The following MLX variants were observed in gnomAD, a reference collection of about 807,000 sequenced individuals.
MLX encodes MAX dimerization protein MLX, also known as max-like protein X.
In MLX, 15 loss-of-function variants were observed where a neutral mutation model predicts 33.0. The observed-to-expected ratio is 0.45, with a 90% confidence interval of 0.30 to 0.70. The LOEUF is 0.70. Among genes scored for constraint, MLX ranks in the 30% least tolerant of loss-of-function variants. MLX has a pLI of 0.07. For synonymous variants in MLX, 115 were observed against 115.6 expected, an observed-to-expected ratio of 0.99 and a Z score of 0.03; for missense variants, 285 against 306.3, an observed-to-expected ratio of 0.93 and a Z score of 0.52.
Position 42,569,858 on chromosome 17 carries a change from T to C in MLX, c.477-124T>C, listed in dbSNP as rs184282103. ...TGACCTGGAAGCAGTATCTCCCTGA[T>C]ACTGAACCCCACCCAGAAGCTCTCT... On this transcript the variant is annotated intron_variant, in intron 6 of 7. Coordinates refer to ENST00000435881, the MANE Select transcript of MLX (RefSeq NM_198204.2). 1.7e-3 allele frequency: 1,524 copies of C among 916,132 alleles called. 3 individuals are homozygous for C. Among genetic ancestry groups the C allele is most frequent in the Non-Finnish European group, 2.4e-3 (1,390 of 582,872 alleles). 56.8% of individuals were successfully genotyped at this position (916,132 alleles called of 1,614,324 possible). A position where few individuals can be genotyped will look rare whatever the true frequency, so the allele number is the denominator to read the frequency against.
At chr17:42,571,119 C>G (rs1378823932) in intron 7 of MLX, among the ~76,000 whole-genome samples, 2 of 150,868 alleles carry the variant, frequency 1.3e-5, no homozygotes, top group African/African-American at 4.9e-5. Context: ...AAACTGCAGA[C>G]ATCAGTACTT....
intron 6 of MLX, 25 bp downstream of exon 6, chr17:42,569,631 A>C: frequency 6.3e-7 from 1 of 1,581,884 alleles, no homozygotes; most frequent in Non-Finnish European, 8.7e-7. Flanking sequence ...GAATGGGGGG[A>C]ACCAGAACTT....
At chr17:42,569,877 G>C in intron 6 of MLX, 105 bp from the exon 7 acceptor site, 5 of 1,109,190 alleles carry the variant, frequency 4.5e-6, no homozygotes, top group Non-Finnish European at 6.7e-6. Flanking sequence ...CCACCCAGAA[G>C]CTCTCTGGGG....
In MLX at chr17:42,569,568, G is replaced by A. The variant is rs142788854; in HGVS notation, c.438G>A (p.Thr146=). 9.3e-6 allele frequency: 15 copies of A among 1,613,974 alleles called. No individual in the cohort carries two copies. The highest frequency in any genetic ancestry group is 1.6e-4 in the Middle Eastern group (1 of 6,082). Residue 146 remains threonine (T), a synonymous_variant, in exon 6 of 8, where the codon ACG becomes ACA. Coordinates refer to ENST00000435881, the MANE Select transcript of MLX (RefSeq NM_198204.2). ...EKKKQEEEVS[T]LRKDVTALKI... is the part of the protein sequence containing the mutation. ...AAAAGCAGGAGGAGGAGGTGTCCACGTTACGCAAGGATGTCACCGCCCTAA... is the reference window on the plus strand; with the variant it reads ...AAAAGCAGGAGGAGGAGGTGTCCACATTACGCAAGGATGTCACCGCCCTAA...
Position 42,572,327 on chromosome 17 carries a change from T to C in MLX, c.*724T>C, listed in dbSNP as rs1188405127. ...CACAGCACTACATATTGGAAATTTT[T>C]TATTTTTCTAAATACCAATGCAGTT... is the stretch of plus-strand genomic sequence containing the variant. On this transcript the variant is annotated 3_prime_UTR_variant, in exon 8 of 8. Coordinates refer to ENST00000435881, the MANE Select transcript of MLX (RefSeq NM_198204.2). The C allele has an allele frequency of 2.2e-6, 1 of 454,162 alleles. No homozygotes were observed. Among genetic ancestry groups the C allele is most frequent in the East Asian group, 6.9e-5 (1 of 14,528 alleles). 28.1% of individuals were successfully genotyped at this position (454,162 alleles called of 1,614,324 possible). A position where few individuals can be genotyped will look rare whatever the true frequency, so the allele number is the denominator to read the frequency against.
At chr17:42,568,762 G>A in intron 3 of MLX, 75 bp from the exon 4 acceptor site, 1 of 1,344,302 alleles carries the variant, frequency 7.4e-7, no homozygotes, top group South Asian at 1.2e-5. Flanking sequence ...GTTCTTCCCA[G>A]CTGGGGAAAG....
rs767788086 is a variant in MLX, at chr17:42,569,248, G to A, written c.321G>A (p.Gln107=). ...DLQTIVPTCQ[Q]QDFSIGSQKL... is the part of the protein sequence containing the mutation. ...AGACCATCGTCCCCACTTGCCAGCA[G>A]CAGGACTTCTCCATTGGCTCCCAAA... The change falls in exon 5 of 8, where the codon CAG becomes CAA. Residue 107 remains glutamine (Q), a synonymous_variant. Coordinates refer to ENST00000435881, the MANE Select transcript of MLX (RefSeq NM_198204.2). The A allele has an allele frequency of 1.2e-6, 2 of 1,614,166 alleles. No individual in the cohort carries two copies. Among genetic ancestry groups the A allele is most frequent in the East Asian group, 2.2e-5 (1 of 44,882 alleles).
chr17:42,568,934 C>T lies in MLX; in HGVS notation c.267C>T (p.Asp89=), dbSNP rs568777376. The T allele has an allele frequency of 6.8e-6, 11 of 1,608,006 alleles. No homozygotes were observed. Among genetic ancestry groups the T allele is most frequent in the South Asian group, 2.2e-5 (2 of 90,184 alleles). The change falls in exon 4 of 8, where the codon GAC becomes GAT. Residue 89 remains aspartate (D), a synonymous_variant. Coordinates refer to ENST00000435881, the MANE Select transcript of MLX (RefSeq NM_198204.2). ...CTCAGGCTGAGCAGAAGAGGAGGGA[C>T]GCCATCAAGGTGAACAGGGAGGCCT... ...AHTQAEQKRR[D]AIKRGYDDLQ...
rs1179848928 is a variant in MLX at position 42,572,604 on chromosome 17, A to ACTT, written c.*1004_*1006dup. ...CTCTCTACCCTAGTTCTCCAAATTC[A>ACTT]CTTCTGCCTTCCTCAGGTTTGATAT... On this transcript the variant is annotated 3_prime_UTR_variant, in exon 8 of 8. Coordinates refer to ENST00000435881, the MANE Select transcript of MLX (RefSeq NM_198204.2). 1 of 451,056 alleles carries ACTT rather than the reference A, an allele frequency of 2.2e-6. No individual in the cohort carries two copies. Among genetic ancestry groups the ACTT allele is most frequent in the Admixed American group, 2.4e-5 (1 of 42,314 alleles). 27.9% of individuals were successfully genotyped at this position (451,056 alleles called of 1,614,324 possible).
chr17:42,568,834 T>C lies in MLX; in HGVS notation c.170-3T>C, dbSNP rs751245618. 6.2e-6 allele frequency: 10 copies of C among 1,602,252 alleles called. No homozygotes were observed. The highest frequency in any genetic ancestry group is 4.5e-5 in the East Asian group (2 of 44,482). ...CTTTCCCTGCCCCCATCTCTGAGCG[T>C]AGATGATGAGGACAGTGATTACCAC... is the stretch of plus-strand genomic sequence containing the variant. On this transcript the variant is annotated splice_region_variant and splice_polypyrimidine_tract_variant and intron_variant, in intron 3 of 7. Coordinates refer to ENST00000435881, the MANE Select transcript of MLX (RefSeq NM_198204.2).
chr17:42,570,748 C>G (rs1040604696), intron 7 of MLX, among the ~76,000 whole-genome samples: 2 of 151,882 alleles, frequency 1.3e-5, no homozygotes, highest in African/African-American at 4.8e-5. Flanking sequence ...CTCCGCCTCC[C>G]GGGTTCACGC....
chr17:42,572,861 AAGT>A lies in MLX; in HGVS notation c.*1261_*1263del, dbSNP rs765021137. 2.3e-6 allele frequency: 3 copies of A among 1,319,300 alleles called. No homozygotes were observed. The African/African-American group carries it at 4.3e-5, about 19-fold the overall frequency. 81.7% of individuals were successfully genotyped at this position (1,319,300 alleles called of 1,614,324 possible). ...TCCTGACTGCTCTGCTTAAAGGTGA[AAGT>A]AGCAGGAACAACAACAAAAGCCAAC... On this transcript the variant is annotated 3_prime_UTR_variant, in exon 8 of 8. Coordinates refer to ENST00000435881, the MANE Select transcript of MLX (RefSeq NM_198204.2).
At chr17:42,570,267 C>G (rs974787117) in intron 7 of MLX, 84 bp downstream of exon 7, 1 of 1,361,794 alleles carries the variant, frequency 7.3e-7, no homozygotes, top group African/African-American at 1.4e-5. Flanking sequence ...TTGAGAAAAG[C>G]GTGGCAGCTG....
In MLX at chr17:42,571,710, C is replaced by T; in HGVS notation, c.*107C>T. 1.9e-6 allele frequency: 2 copies of T among 1,045,492 alleles called. No individual in the cohort carries two copies. The highest frequency in any genetic ancestry group is 3.0e-6 in the Non-Finnish European group (2 of 667,786). 64.8% of individuals were successfully genotyped at this position (1,045,492 alleles called of 1,614,324 possible). A position where few individuals can be genotyped will look rare whatever the true frequency, so the allele number is the denominator to read the frequency against. On this transcript the variant is annotated 3_prime_UTR_variant, in exon 8 of 8. Transcript: ENST00000435881. The stretch of plus-strand genomic sequence containing the variant: ...CTGGACTACAACACCTCACACTGGT[C>T]AGCTGGTTTCTACTTGGTGTTTGGT...
intron 6 of MLX, 90 bp downstream of exon 6, chr17:42,569,696 C>A: frequency 2.0e-6 from 2 of 997,058 alleles, no homozygotes; most frequent in East Asian, 2.5e-5. Context: ...TCAGTTACTG[C>A]TGTACAGATA....
chr17:42,569,632 A>T (rs773365302), intron 6 of MLX, 26 bp downstream of exon 6: 17 of 1,580,766 alleles, frequency 1.1e-5, no homozygotes, highest in Admixed American at 3.3e-5. Context: ...AATGGGGGGA[A>T]CCAGAACTTC....
At position 42,570,122 on chromosome 17, in the gene MLX, C is replaced by T. The variant is rs757483745; in HGVS notation, c.617C>T (p.Ala206Val). ...TCCTTCAATGCCTCCATCTCAGTGG[C>T]CAGCTTCCAGGAGCTGTCAGCGTGT... The part of the protein sequence containing the change: ...FQSFNASISV[A>V]SFQELSACVF... Residue 206 changes from alanine to valine, a missense_variant, in exon 7 of 8, where the codon GCC becomes GTC. Transcript: ENST00000435881. 1.2e-6 allele frequency: 2 copies of T among 1,614,118 alleles called. No individual in the cohort carries two copies.
chr17:42,569,998 G>A lies in MLX; in HGVS notation c.493G>A (p.Val165Met). ...TGCTTTTAGGAACTATGAGCAGATT[G>A]TGAAGGCACACCAGGACAACCCCCA... ...KIMKVNYEQI[V>M]KAHQDNPHEG... The change falls in exon 7 of 8, where the codon GTG (valine) becomes ATG (methionine). Residue 165 changes from valine to methionine, a missense_variant. Coordinates refer to ENST00000435881, the MANE Select transcript of MLX (RefSeq NM_198204.2). 6.2e-7 allele frequency: 1 copy of A among 1,613,956 alleles called. No homozygotes were observed.
intron 4 of MLX, 46 bp downstream of exon 4, chr17:42,568,989 A>G (rs775018934): frequency 2.6e-6 from 4 of 1,556,698 alleles, no homozygotes; most frequent in Non-Finnish European, 3.5e-6. Context: ...AGGGCCCTGC[A>G]TAGTTTAGCT....
Sources: gnomAD v4.1 joint callset for allele counts (sites outside exome capture counted in the v4.1 genomes callset) on GRCh38, gnomAD v4.1.1 for gene constraint, MANE v1.5 for transcripts, NCBI Gene and HGNC (gene_info 2026-07-23, HGNC 2026-07-21) for gene names.